LRRFIP1: variants seen among roughly 807,000 people sequenced by gnomAD.
LRRFIP1 encodes the protein leucine-rich repeat flightless-interacting protein 1.
A neutral mutation model predicts 104.4 loss-of-function variants in LRRFIP1; 62 were observed. That is an observed-to-expected ratio of 0.59 (90% CI 0.48 to 0.73). LRRFIP1 has a LOEUF of 0.73. Ranked by LOEUF, LRRFIP1 falls within the 30% of genes least tolerant of loss-of-function variation. The pLI is 0.00. For synonymous variants in LRRFIP1, 300 were observed against 299.0 expected, an observed-to-expected ratio of 1.00 and a Z score of -0.03; for missense variants, 796 against 824.5, an observed-to-expected ratio of 0.97 and a Z score of 0.42.
chr2:237,746,012 A>G (rs1392318211), intron 11 of LRRFIP1, among the ~76,000 whole-genome samples: 1 of 151,866 alleles, frequency 6.6e-6, no homozygotes, highest in African/African-American at 2.4e-5. Context: ...TGCTAGATAG[A>G]TAGTTCACAT....
intron 14 of LRRFIP1, 33 bp downstream of exon 14, chr2:237,751,304 T>G: frequency 6.8e-7 from 1 of 1,475,384 alleles, no homozygotes. Context: ...TCTCACGATA[T>G]TAACCCAACT....
chr2:237,707,461 GAA>G (rs112902148), intron 1 of LRRFIP1, among the ~76,000 whole-genome samples: 10 of 82,540 alleles, frequency 1.2e-4, no homozygotes, highest in South Asian at 8.3e-4. Context: ...AAAGGAAAAA[GAA>G]AAAAAAAAAA....
chr2:237,730,923 A>G (rs999123824), intron 8 of LRRFIP1, among the ~76,000 whole-genome samples: 18 of 79,690 alleles, frequency 2.3e-4, no homozygotes, highest in South Asian at 1.6e-3. Context: ...ATCTCAGACA[A>G]ACAAACAAAC....
At chr2:237,673,768 C>CTCTAAGACAGCAGCTGTGGGAGGGCACG (rs1271629370) in intron 1 of LRRFIP1, among the ~76,000 whole-genome samples, 1 of 152,118 alleles carries the variant, frequency 6.6e-6, no homozygotes, top group Non-Finnish European at 1.5e-5. Context: ...CTGAGGCCTG[C>CTCTAAGACAGCAGCTGTGGGAGGGCACG]TCTAAGACAG....
At chr2:237,662,680 T>A (rs1199022661) in intron 1 of LRRFIP1, among the ~76,000 whole-genome samples, 2 of 152,092 alleles carry the variant, frequency 1.3e-5, no homozygotes, top group East Asian at 3.9e-4. Flanking sequence ...TGTGGCTATT[T>A]ATAGTGAAAC....
intron 1 of LRRFIP1, among the ~76,000 whole-genome samples, chr2:237,675,849 C>A (rs2091085695): frequency 6.6e-6 from 1 of 152,242 alleles, no homozygotes; most frequent in African/African-American, 2.4e-5. Context: ...TTGTCATAAG[C>A]ATTTCCAATT....
intron 7 of LRRFIP1, among the ~76,000 whole-genome samples, chr2:237,725,431 G>T (rs1380140434): frequency 1.3e-5 from 2 of 152,162 alleles, no homozygotes; most frequent in Non-Finnish European, 2.9e-5. Flanking sequence ...ATGGACTTTT[G>T]TTCTAATATT....
intron 12 of LRRFIP1, 52 bp from the exon 13 acceptor site, chr2:237,749,147 G>T (rs906194547): frequency 6.5e-5 from 103 of 1,577,032 alleles, no homozygotes; most frequent in Non-Finnish European, 8.7e-5. Flanking sequence ...TGAGATTTGG[G>T]TGGGGACACA....
At chr2:237,643,597 A>T (rs2084381314) in intron 1 of LRRFIP1, among the ~76,000 whole-genome samples, 1 of 152,216 alleles carries the variant, frequency 6.6e-6, no homozygotes, top group African/African-American at 2.4e-5. Flanking sequence ...GCTCCCTCTC[A>T]TAGGCCTCCC....
At chr2:237,775,227 T>C (rs1217399862) in intron 23 of LRRFIP1, among the ~76,000 whole-genome samples, 2 of 152,222 alleles carry the variant, frequency 1.3e-5, no homozygotes, top group Non-Finnish European at 2.9e-5. Context: ...CTTTCCTTCT[T>C]GTGGCATATA....
chr2:237,653,447 C>T lies in LRRFIP1; in HGVS notation c.96+25707C>T, dbSNP rs536467695. Reference sequence around the variant, plus strand: ...TGCCCATGCTACCCAAAGCAATCTACAGATTCAATGCAGTCCCTATCAAAA... The same window carrying T: ...TGCCCATGCTACCCAAAGCAATCTATAGATTCAATGCAGTCCCTATCAAAA... On this transcript the variant is annotated intron_variant, in intron 1 of 23. Coordinates refer to ENST00000308482, the MANE Select transcript of LRRFIP1 (RefSeq NM_001137550.2). Among the ~76,000 whole-genome samples, 3 of 152,318 alleles carry T rather than the reference C, an allele frequency of 2.0e-5. No individual in the cohort carries two copies. The South Asian group carries it at 6.2e-4, about 32-fold the overall frequency.
chr2:237,670,501 CT>C (rs1284032310), intron 1 of LRRFIP1, among the ~76,000 whole-genome samples: 11 of 152,252 alleles, frequency 7.2e-5, no homozygotes, highest in Non-Finnish European at 1.2e-4. Context: ...TGAATTGAAG[CT>C]GTGTCAACTA....
At chr2:237,743,978 G>A (rs1183039660) in intron 11 of LRRFIP1, among the ~76,000 whole-genome samples, 1 of 152,158 alleles carries the variant, frequency 6.6e-6, no homozygotes, top group African/African-American at 2.4e-5. Flanking sequence ...CTTCCCTCGT[G>A]TACTCAGAGA....
At chr2:237,726,960 A>C (rs1307698536) in intron 7 of LRRFIP1, among the ~76,000 whole-genome samples, 1 of 152,216 alleles carries the variant, frequency 6.6e-6, no homozygotes, top group Non-Finnish European at 1.5e-5. Flanking sequence ...TATGTGTTCA[A>C]ATTTCATTTT....
At chr2:237,651,442 G>C (rs928413956) in intron 1 of LRRFIP1, among the ~76,000 whole-genome samples, 4 of 152,124 alleles carry the variant, frequency 2.6e-5, no homozygotes, top group African/African-American at 9.7e-5. Context: ...TATTACAATT[G>C]GTTGGTTTGA....
intron 8 of LRRFIP1, among the ~76,000 whole-genome samples, chr2:237,731,623 A>G (rs531776126): frequency 6.6e-6 from 1 of 152,330 alleles, no homozygotes; most frequent in East Asian, 1.9e-4. Flanking sequence ...TGCAGAGGGC[A>G]CTTAGTCATT....
intron 10 of LRRFIP1, among the ~76,000 whole-genome samples, chr2:237,738,004 T>C (rs1211005288): frequency 6.6e-6 from 1 of 152,238 alleles, no homozygotes; most frequent in African/African-American, 2.4e-5. Context: ...AAATCATTCG[T>C]TCATTCAACA....
chr2:237,636,215 CT>C (rs1196676252), intron 1 of LRRFIP1, among the ~76,000 whole-genome samples: 1 of 151,734 alleles, frequency 6.6e-6, no homozygotes, highest in Non-Finnish European at 1.5e-5. Context: ...TTCATTCAAT[CT>C]GGAAACTTGT....
intron 14 of LRRFIP1, among the ~76,000 whole-genome samples, chr2:237,751,487 TA>T (rs1169461081): frequency 6.6e-6 from 1 of 152,196 alleles, no homozygotes; most frequent in Non-Finnish European, 1.5e-5. Context: ...AACTGCCCAG[TA>T]GAAAAGGTTA....
Sources: gnomAD v4.1 joint callset for allele counts (sites outside exome capture counted in the v4.1 genomes callset) on GRCh38, gnomAD v4.1.1 for gene constraint, MANE v1.5 for transcripts, NCBI Gene and HGNC (gene_info 2026-07-23, HGNC 2026-07-21) for gene names.